ONECUT2: variants seen among roughly 807,000 people sequenced by gnomAD.
ONECUT2 encodes one cut domain family member 2.
A neutral mutation model predicts 27.9 loss-of-function variants in ONECUT2; 10 were observed. That is an observed-to-expected ratio of 0.36 (90% CI 0.22 to 0.61). The LOEUF is 0.61. Among genes scored for constraint, ONECUT2 ranks in the 20% least tolerant of loss-of-function variants. ONECUT2 has a pLI of 0.73. For missense variants in ONECUT2, 686 were observed against 721.0 expected (o/e 0.95, Z 0.56); for synonymous variants, 334 against 315.1 (o/e 1.06, Z -0.64).
chr18:57,465,306 G>A (rs1048441319), intron 1 of ONECUT2, among the ~76,000 whole-genome samples: 1 of 152,078 alleles, frequency 6.6e-6, no homozygotes, highest in Non-Finnish European at 1.5e-5. Context: ...GGGACCACAG[G>A]TGCACACCAC....
At chr18:57,474,242 A>T (rs2050369507) in intron 1 of ONECUT2, among the ~76,000 whole-genome samples, 1 of 152,062 alleles carries the variant, frequency 6.6e-6, no homozygotes, top group Non-Finnish European at 1.5e-5. Context: ...TTCAGGAATG[A>T]TTCATTTATA....
rs1598949181 is a variant in ONECUT2 at position 57,485,223 on chromosome 18, A to G, written c.*8500A>G. Reference sequence around the variant, plus strand: ...ATTTATCAAGAAAGGGAACTTGACCACCATTGGCACATGTGACATTTAAGC... The same window carrying G: ...ATTTATCAAGAAAGGGAACTTGACCGCCATTGGCACATGTGACATTTAAGC... On this transcript the variant is annotated 3_prime_UTR_variant, in exon 2 of 2. Transcript: ENST00000491143. The G allele has an allele frequency of 6.6e-6, 1 of 152,300 alleles. No homozygotes were observed. Among genetic ancestry groups the G allele is most frequent in the East Asian group, 1.9e-4 (1 of 5,188 alleles). 9.4% of individuals were successfully genotyped at this position (152,300 alleles called of 1,614,324 possible).
chr18:57,472,514 C>T (rs1192853790), intron 1 of ONECUT2, among the ~76,000 whole-genome samples: 1 of 152,118 alleles, frequency 6.6e-6, no homozygotes, highest in Non-Finnish European at 1.5e-5. Flanking sequence ...CATACTGCCT[C>T]ATTATTTAGG....
chr18:57,481,844 AACT>A lies in ONECUT2; in HGVS notation c.*5124_*5126del, dbSNP rs2122161647. On this transcript the variant is annotated 3_prime_UTR_variant, in exon 2 of 2. Coordinates refer to ENST00000491143, the MANE Select transcript of ONECUT2 (RefSeq NM_004852.3). ...AAGGTTGACCACAAGGCCCAGGCAC[AACT>A]ACCTTGGCGATAATCTTCTAGATTC... 1 of 152,352 alleles carries A rather than the reference AACT, an allele frequency of 6.6e-6. No individual in the cohort carries two copies. Among genetic ancestry groups the A allele is most frequent in the South Asian group, 2.1e-4 (1 of 4,830 alleles). The allele number at this position is 152,352 out of a possible 1,614,324, so 9.4% of individuals were successfully genotyped here. A position where few individuals can be genotyped will look rare whatever the true frequency, so the allele number is the denominator to read the frequency against.
intron 1 of ONECUT2, among the ~76,000 whole-genome samples, 189 bp from the exon 2 acceptor site, chr18:57,476,248 C>T (rs780070192): frequency 1.1e-4 from 17 of 152,230 alleles, no homozygotes; most frequent in South Asian, 2.1e-4. Flanking sequence ...TTTCTCCCAT[C>T]CCCCACTCAC....
intron 1 of ONECUT2, among the ~76,000 whole-genome samples, chr18:57,450,631 T>G (rs1190239146): frequency 6.6e-6 from 1 of 152,256 alleles, no homozygotes; most frequent in South Asian, 2.1e-4. Context: ...AAGGTTGTTC[T>G]GCTTCATACA....
rs948065280 is a variant in ONECUT2, at chr18:57,435,423, C to G, written c.-294C>G. On this transcript the variant is annotated 5_prime_UTR_variant, in exon 1 of 2. Transcript: ENST00000491143. ...TCACCCAAACAGAAGACGTCGGCGC[C>G]GGAGCGGGCTCGGACATGGCGAGGC... Among the ~76,000 whole-genome samples, 2 of 151,732 alleles carry G rather than the reference C, an allele frequency of 1.3e-5. No individual in the cohort carries two copies. The highest frequency in any genetic ancestry group is 4.8e-5 in the African/African-American group (2 of 41,360).
At chr18:57,442,287 A>G (rs926774061) in intron 1 of ONECUT2, among the ~76,000 whole-genome samples, 3 of 149,262 alleles carry the variant, frequency 2.0e-5, no homozygotes, top group Non-Finnish European at 4.4e-5. Context: ...CACCTGTTGA[A>G]GAAGGCTGAG....
chr18:57,466,420 A>C (rs1406444842), intron 1 of ONECUT2, among the ~76,000 whole-genome samples: 5 of 152,228 alleles, frequency 3.3e-5, no homozygotes, highest in Non-Finnish European at 7.3e-5. Context: ...AGATGATTTT[A>C]GCAGAAAGTT....
Position 57,486,196 on chromosome 18 carries a change from G to A in ONECUT2, c.*9473G>A, listed in dbSNP as rs2050437264. 6.6e-6 allele frequency: 1 copy of A among 152,550 alleles called. No homozygotes were observed. The highest frequency in any genetic ancestry group is 6.6e-5 in the Admixed American group (1 of 15,262). The allele number at this position is 152,550 out of a possible 1,614,324, so 9.4% of individuals were successfully genotyped here. Reference sequence around the variant, plus strand: ...ACTTGCAAAGTGTGACATAACCACGGGACGAGTGCCTTGCTTGAACCAAAG... The same window carrying A: ...ACTTGCAAAGTGTGACATAACCACGAGACGAGTGCCTTGCTTGAACCAAAG... On this transcript the variant is annotated 3_prime_UTR_variant, in exon 2 of 2. Transcript: ENST00000491143.
chr18:57,441,108 C>A (rs12962172), intron 1 of ONECUT2, among the ~76,000 whole-genome samples: 5,246 of 152,280 alleles, frequency 0.034, 353 homozygotes, highest in East Asian at 0.31. Flanking sequence ...GGCAGCCAGG[C>A]GCCCTCGATG....
At chr18:57,465,872 T>C (rs1266509350) in intron 1 of ONECUT2, among the ~76,000 whole-genome samples, 1 of 152,172 alleles carries the variant, frequency 6.6e-6, no homozygotes. Context: ...TCTAATCAGC[T>C]TCCTTGTTGT....
In ONECUT2 at chr18:57,489,401, G is replaced by A. The variant is rs1022874892; in HGVS notation, c.*12678G>A. On this transcript the variant is annotated 3_prime_UTR_variant, in exon 2 of 2. Transcript: ENST00000491143. Reference sequence around the variant, plus strand: ...TGCTTTGCTCCCATCTCAGGGGGCAGGGGCAGTGCACATTGCCTATGCTGT... The same window carrying A: ...TGCTTTGCTCCCATCTCAGGGGGCAAGGGCAGTGCACATTGCCTATGCTGT... 2.0e-5 allele frequency: 3 copies of A among 152,206 alleles called. No individual in the cohort carries two copies. Among genetic ancestry groups the A allele is most frequent in the African/African-American group, 7.2e-5 (3 of 41,444 alleles). The allele number at this position is 152,206 out of a possible 1,614,324, so 9.4% of individuals were successfully genotyped here.
Position 57,444,328 on chromosome 18 carries a change from C to T in ONECUT2, c.1228+7384C>T, listed in dbSNP as rs768095612. ...AATGTGGGCTTTATTACTTATGTTG[C>T]ATTGACATCCTTGAAGGAACCTGTT... On this transcript the variant is annotated intron_variant, in intron 1 of 1. Transcript: ENST00000491143. 22 of 456,302 alleles carry T rather than the reference C, an allele frequency of 4.8e-5. 1 individual carries two copies. Among genetic ancestry groups the T allele is most frequent in the South Asian group, 3.3e-4 (21 of 64,486 alleles). The allele number at this position is 456,302 out of a possible 1,614,324, so 28.3% of individuals were successfully genotyped here. A position where few individuals can be genotyped will look rare whatever the true frequency, so the allele number is the denominator to read the frequency against.
chr18:57,445,427 A>G (rs188914165), intron 1 of ONECUT2, among the ~76,000 whole-genome samples: 3 of 152,342 alleles, frequency 2.0e-5, no homozygotes, highest in East Asian at 1.9e-4. Context: ...ATTTGCCTCC[A>G]GAACCATCGG....
chr18:57,439,018 G>A (rs1407147483), intron 1 of ONECUT2, among the ~76,000 whole-genome samples: 1 of 152,324 alleles, frequency 6.6e-6, no homozygotes, highest in East Asian at 1.9e-4. Flanking sequence ...ACAGTTAAAG[G>A]CAGGATGACA....
intron 1 of ONECUT2, among the ~76,000 whole-genome samples, chr18:57,475,039 G>A (rs2122151708): frequency 6.7e-6 from 1 of 148,544 alleles, no homozygotes; most frequent in South Asian, 2.1e-4. Flanking sequence ...TAGGGGAGCT[G>A]GGACTTATTT....
In ONECUT2 at chr18:57,480,586, A is replaced by C. The variant is rs2050410504; in HGVS notation, c.*3863A>C. 6.6e-6 allele frequency: 1 copy of C among 152,184 alleles called. No individual in the cohort carries two copies. The highest frequency in any genetic ancestry group is 2.4e-5 in the African/African-American group (1 of 41,452). 9.4% of individuals were successfully genotyped at this position (152,184 alleles called of 1,614,324 possible). ...CATGTCATAATTGTTTAAAAAAAAAAAAAAGGCAAGAATTTCTCTCCAAGG... is the reference window on the plus strand; with the variant it reads ...CATGTCATAATTGTTTAAAAAAAAACAAAAGGCAAGAATTTCTCTCCAAGG... On this transcript the variant is annotated 3_prime_UTR_variant, in exon 2 of 2. Transcript: ENST00000491143.
intron 1 of ONECUT2, among the ~76,000 whole-genome samples, chr18:57,447,143 G>A (rs879530912): frequency 1.3e-5 from 2 of 152,234 alleles, no homozygotes; most frequent in African/African-American, 2.4e-5. Context: ...GCTAGACTTC[G>A]AGCCAGACTG....
Sources: allele counts gnomAD v4.1 joint callset (sites outside exome capture counted in the v4.1 genomes callset), GRCh38; gene constraint gnomAD v4.1.1; transcripts MANE v1.5; gene names NCBI Gene and HGNC (gene_info 2026-07-23, HGNC 2026-07-21).